MGST1: variants seen among roughly 807,000 people sequenced by gnomAD.
The protein encoded by MGST1 is microsomal glutathione S-transferase 1.
A neutral mutation model predicts 8.9 loss-of-function variants in MGST1; 5 were observed. The observed-to-expected ratio is 0.56, with a 90% confidence interval of 0.29 to 1.19. MGST1 has a LOEUF of 1.19. Among genes scored for constraint, MGST1 ranks in the 50% most tolerant of loss-of-function variants. The probability of loss-of-function intolerance (pLI) is 0.08; values close to 1 mark genes in which losing one functional copy is unlikely to be tolerated. For synonymous variants in MGST1, 54 were observed against 67.8 expected (o/e 0.80, Z 1.00); for missense variants, 182 against 187.4 (o/e 0.97, Z 0.17).
intron 4 of MGST1, among the ~76,000 whole-genome samples, chr12:16,532,252 T>G (rs1170096249): frequency 6.6e-6 from 1 of 152,086 alleles, no homozygotes; most frequent in Non-Finnish European, 1.5e-5. Flanking sequence ...CATTTCTGAT[T>G]CCATTCAGGG....
At chr12:16,372,375 A>G (rs1270307061) in intron 3 of MGST1, among the ~76,000 whole-genome samples, 1 of 152,138 alleles carries the variant, frequency 6.6e-6, no homozygotes, top group Non-Finnish European at 1.5e-5. Flanking sequence ...AAAAGATCTG[A>G]ATAGACGTTC....
At chr12:16,399,316 A>G in intron 1 of MGST1, 1 of 1,604,540 alleles carries the variant, frequency 6.2e-7, no homozygotes, top group African/African-American at 1.3e-5. Context: ...CTGTGTGTGG[A>G]ACCATGGTTG....
In MGST1 at chr12:16,401,163, A is replaced by G. The variant is rs1045871991; in HGVS notation, n.778+17559A>G. Reference sequence around the variant, plus strand: ...CCACATTCTTCACTTTCTTCTTCACAGAAGTGAGAACAGTAGCTGGGCCAT... The same window carrying G: ...CCACATTCTTCACTTTCTTCTTCACGGAAGTGAGAACAGTAGCTGGGCCAT... On this transcript the variant is annotated intron_variant and non_coding_transcript_variant, in intron 1 of 1. Transcript: ENST00000359720. This position sits in a 1 kb window ranked among gnomAD's most constrained non-coding sequence, Gnocchi z 4.3. 2 of 1,560,474 alleles carry G rather than the reference A, an allele frequency of 1.3e-6. No individual in the cohort carries two copies. The highest frequency in any genetic ancestry group is 1.8e-6 in the Non-Finnish European group (2 of 1,132,822).
At position 16,490,646 on chromosome 12, in the gene MGST1, T is replaced by C. The variant is rs1162045239; in HGVS notation, n.483-98882T>C. On this transcript the variant is annotated intron_variant and non_coding_transcript_variant, in intron 4 of 4. Coordinates refer to the MGST1 transcript ENST00000538857. Reference sequence around the variant, plus strand: ...GCATTTTGCATATAATGATATCATTTGATCTTTATACAAACCTATGAAGCT... The same window carrying C: ...GCATTTTGCATATAATGATATCATTCGATCTTTATACAAACCTATGAAGCT... Among the ~76,000 whole-genome samples, 5 of 152,196 alleles carry C rather than the reference T, an allele frequency of 3.3e-5. 1 individual carries two copies. In the South Asian group the frequency reaches 6.2e-4, roughly 19 times the overall value.
chr12:16,573,642 T>C lies in MGST1; in HGVS notation n.483-15886T>C, dbSNP rs574283535. On this transcript the variant is annotated intron_variant and non_coding_transcript_variant, in intron 4 of 4. Coordinates refer to the MGST1 transcript ENST00000538857. ...AAACAACTTGAAAAAGGGTTATACG[T>C]ATTTAGGAAATCTCTGAGGCTCCCT... The C allele has an allele frequency of 2.0e-5, 3 of 152,296 alleles. No individual in the cohort carries two copies. In the East Asian group the frequency reaches 5.8e-4, roughly 29 times the overall value. The allele number at this position is 152,296 out of a possible 1,614,324, so 9.4% of individuals were successfully genotyped here.
chr12:16,419,830 G>C (rs1465453707), intron 1 of MGST1, among the ~76,000 whole-genome samples: 1 of 152,166 alleles, frequency 6.6e-6, no homozygotes, highest in African/African-American at 2.4e-5. Flanking sequence ...CAGGGTGTCA[G>C]AGAATCCGCC....
intron 4 of MGST1, among the ~76,000 whole-genome samples, chr12:16,572,339 C>CTTTTTTTTTTTTTTTTTTTTTTTTT (rs59773866): frequency 3.4e-5 from 3 of 89,530 alleles, no homozygotes; most frequent in African/African-American, 4.2e-5. Flanking sequence ...GGTCCAAACT[C>CTTTTTTTTTTTTTTTTTTTTTTTTT]TTTTTTTTTT....
intron 4 of MGST1, among the ~76,000 whole-genome samples, chr12:16,490,235 C>G (rs1941430188): frequency 6.6e-6 from 1 of 152,170 alleles, no homozygotes; most frequent in African/African-American, 2.4e-5. Flanking sequence ...TGCACTCCAG[C>G]CTGGGCAACA....
At chr12:16,557,531 A>G (rs1250408908) in intron 4 of MGST1, among the ~76,000 whole-genome samples, 1 of 152,100 alleles carries the variant, frequency 6.6e-6, no homozygotes, top group Non-Finnish European at 1.5e-5. Context: ...ACCTTGTTTA[A>G]GTAATCATGC....
intron 4 of MGST1, among the ~76,000 whole-genome samples, chr12:16,477,228 T>C (rs1346128148): frequency 3.3e-5 from 5 of 152,184 alleles, no homozygotes; most frequent in African/African-American, 1.2e-4. Flanking sequence ...TCAGTAAAAA[T>C]GTCTTCCTGA....
intron 1 of MGST1, among the ~76,000 whole-genome samples, chr12:16,394,374 TTCTC>T (rs1030892798): frequency 6.6e-6 from 1 of 151,716 alleles, no homozygotes; most frequent in African/African-American, 2.4e-5. Flanking sequence ...CTTTCTTTCT[TTCTC>T]TTTCTTTTTC....
intron 4 of MGST1, among the ~76,000 whole-genome samples, chr12:16,479,763 G>A (rs796719716): frequency 1.5e-4 from 22 of 151,384 alleles, no homozygotes; most frequent in African/African-American, 4.1e-4. Flanking sequence ...CTCAAACACC[G>A]GGCCTCAAGC....
At chr12:16,416,134 T>A (rs1940787067) in intron 1 of MGST1, among the ~76,000 whole-genome samples, 1 of 152,132 alleles carries the variant, frequency 6.6e-6, no homozygotes, top group African/African-American at 2.4e-5. Flanking sequence ...GAATAAGATA[T>A]AAAATGAGAC....
At chr12:16,449,276 CAGAGCA>C (rs1049707305) in intron 4 of MGST1, among the ~76,000 whole-genome samples, 1 of 151,846 alleles carries the variant, frequency 6.6e-6, no homozygotes, top group African/African-American at 2.4e-5. Context: ...ATAGCAAGAG[CAGAGCA>C]AGAGCAAGAG....
chr12:16,462,740 T>A (rs1214181294), intron 4 of MGST1, among the ~76,000 whole-genome samples: 2 of 152,166 alleles, frequency 1.3e-5, no homozygotes, highest in African/African-American at 4.8e-5. Context: ...CTTTTTATAA[T>A]GTAGAAAACT....
In MGST1 at chr12:16,546,619, T is replaced by A. The variant is rs553382400; in HGVS notation, n.483-42909T>A. Among the ~76,000 whole-genome samples the A allele has an allele frequency of 1.0e-3, 158 of 152,272 alleles. No homozygotes were observed. The highest frequency in any genetic ancestry group is 1.6e-3 in the Non-Finnish European group (109 of 67,990). ...GAATTCTTTTAATTAAAAACATTTT[T>A]AAAAAGTTCAGTGTGTGTAATTGTT... On this transcript the variant is annotated intron_variant and non_coding_transcript_variant, in intron 4 of 4. Coordinates refer to the MGST1 transcript ENST00000538857. This position sits in a 1 kb window ranked among gnomAD's most constrained non-coding sequence, Gnocchi z 4.7.
intron 4 of MGST1, among the ~76,000 whole-genome samples, chr12:16,466,875 C>T (rs1467823008): frequency 6.6e-6 from 1 of 151,592 alleles, no homozygotes; most frequent in East Asian, 1.9e-4. Flanking sequence ...TCACATTTTC[C>T]ACAATTGTGT....
At chr12:16,354,180 A>G in intron 1 of MGST1, 51 bp from the exon 2 acceptor site, 3 of 1,316,594 alleles carry the variant, frequency 2.3e-6, no homozygotes, top group Non-Finnish European at 3.1e-6. Context: ...TCTTCCAGTT[A>G]TTTTGGGTAT....
chr12:16,407,130 C>A (rs1257510211), intron 1 of MGST1, among the ~76,000 whole-genome samples: 1 of 152,144 alleles, frequency 6.6e-6, no homozygotes, highest in Admixed American at 6.5e-5. Flanking sequence ...GACGAGACAA[C>A]CTACAGAATA....
Sources: gnomAD v4.1 joint callset for allele counts (sites outside exome capture counted in the v4.1 genomes callset) on GRCh38, gnomAD v4.1.1 for gene constraint, Gnocchi (gnomAD v3.1) non-coding constraint, MANE v1.5 for transcripts, NCBI Gene and HGNC (gene_info 2026-07-23, HGNC 2026-07-21) for gene names.